TSPAN2: variants seen among roughly 807,000 people sequenced by gnomAD.
TSPAN2 encodes the protein tetraspanin 2, also known as tetraspanin-2.
In TSPAN2, 24 loss-of-function variants were observed where a neutral mutation model predicts 33.3. The observed-to-expected ratio is 0.72, with a 90% CI of 0.52 to 1.01. The LOEUF is 1.01. Among genes scored for constraint, TSPAN2 ranks in the 50% least tolerant of loss-of-function variants. The pLI, the probability that TSPAN2 is intolerant of heterozygous loss-of-function variation, is 0.00. For synonymous variants in TSPAN2, 114 were observed against 104.5 expected (o/e 1.09, Z -0.56); for missense variants, 278 against 281.3 (o/e 0.99, Z 0.08).
At chr1:115,073,781 A>G (rs1012770869) in intron 1 of TSPAN2, among the ~76,000 whole-genome samples, 12 of 152,042 alleles carry the variant, frequency 7.9e-5, no homozygotes, top group African/African-American at 2.9e-4. Context: ...GGCAGTGGCT[A>G]GGCAGGCTGG....
chr1:115,080,998 T>C (rs1313785610), intron 1 of TSPAN2, among the ~76,000 whole-genome samples: 3 of 152,224 alleles, frequency 2.0e-5, no homozygotes, highest in African/African-American at 7.2e-5. Context: ...TTCTTAATTA[T>C]TGATCAATAA....
chr1:115,074,111 A>G (rs1370730530), intron 1 of TSPAN2, among the ~76,000 whole-genome samples: 7 of 152,140 alleles, frequency 4.6e-5, no homozygotes, highest in Admixed American at 4.6e-4. Flanking sequence ...TAAATGAACA[A>G]TTTAGAGGCT....
At position 115,072,916 on chromosome 1, in the gene TSPAN2, T is replaced by C. The variant is rs778464373; in HGVS notation, c.161A>G (p.Tyr54Cys). Residue 54 changes from tyrosine to cysteine, a missense_variant, in exon 2 of 8, where the codon TAT becomes TGT. Tyr to Cys is a radical substitution (Grantham distance 194). Coordinates refer to ENST00000369516, the MANE Select transcript of TSPAN2 (RefSeq NM_005725.6). The part of the protein sequence containing the change: ...ELSSEDKSPE[Y>C]FYVGLYVLVG... ...CTGGAGTCACTCACCCACATAGAAA[T>C]ACTCTGGGGACTTGTCCTCTGATGA... The C allele has an allele frequency of 1.2e-5, 19 of 1,613,500 alleles. No individual in the cohort carries two copies. Among genetic ancestry groups the C allele is most frequent in the Middle Eastern group, 1.6e-4 (1 of 6,084 alleles).
At chr1:115,075,458 G>A (rs1648367077) in intron 1 of TSPAN2, among the ~76,000 whole-genome samples, 1 of 152,202 alleles carries the variant, frequency 6.6e-6, no homozygotes, top group Non-Finnish European at 1.5e-5. Context: ...CACTGCTCTG[G>A]AAAGTGGCAT....
chr1:115,060,497 G>T lies in TSPAN2; in HGVS notation c.312C>A (p.Thr104=). 6.2e-7 allele frequency: 1 copy of T among 1,613,542 alleles called. No homozygotes were observed. Among genetic ancestry groups the T allele is most frequent in the Non-Finnish European group, 8.5e-7 (1 of 1,179,682 alleles). The change falls in exon 4 of 8, where the codon ACC becomes ACA. Residue 104 remains threonine, a synonymous_variant. Transcript: ENST00000369516. ...TGCCTATAAAAGCAAATACTCCAGT[G>T]GTTACTTCAGCAGCAAATATCACCA... ...CLLVIFAAEV[T]TGVFAFIGKG... is the part of the protein sequence containing the mutation.
chr1:115,072,933 C>T lies in TSPAN2; in HGVS notation c.144G>A (p.Glu48=), dbSNP rs1274425437. The T allele has an allele frequency of 3.7e-6, 6 of 1,614,170 alleles. No individual in the cohort carries two copies. Among genetic ancestry groups the T allele is most frequent in the South Asian group, 2.2e-5 (2 of 91,086 alleles). The change falls in exon 2 of 8, where the codon GAG becomes GAA. Residue 48 remains glutamate (E), a synonymous_variant. Coordinates refer to ENST00000369516, the MANE Select transcript of TSPAN2 (RefSeq NM_005725.6). ...CATAGAAATACTCTGGGGACTTGTC[C>T]TCTGATGATAACTCCTTTATGGCAC... The part of the protein sequence containing the change: ...FGGAIKELSS[E]DKSPEYFYVG...
chr1:115,050,504 G>C lies in TSPAN2; in HGVS notation c.652C>G (p.Arg218Gly). Residue 218 changes from arginine to glycine, a missense_variant, in exon 8 of 8, where the codon CGA (arginine) becomes GGA (glycine). Physicochemically the swap from Arg to Gly is moderately radical, Grantham distance 125. Transcript: ENST00000369516. ...MVLCCAIRNSRDVI is the reference protein window; with the variant it reads ...MVLCCAIRNSGDVI ...TAGAAGTAGCTTCATATCACATCTC[G>C]TGAGTTTCGTATCGCACAGCAGAGG... 1 of 1,613,890 alleles carries C rather than the reference G, an allele frequency of 6.2e-7. No individual in the cohort carries two copies. Among genetic ancestry groups the C allele is most frequent in the South Asian group, 1.1e-5 (1 of 91,062 alleles).
chr1:115,072,203 G>T (rs1648206799), intron 2 of TSPAN2, among the ~76,000 whole-genome samples: 1 of 152,176 alleles, frequency 6.6e-6, no homozygotes, highest in Non-Finnish European at 1.5e-5. Flanking sequence ...TGCCTTGCGG[G>T]TGGAGGCTGC....
chr1:115,073,661 T>C (rs927146857), intron 1 of TSPAN2, among the ~76,000 whole-genome samples: 5 of 152,056 alleles, frequency 3.3e-5, no homozygotes, highest in African/African-American at 1.2e-4. Context: ...TTTTTTTTTT[T>C]TGGTTGCTAT....
At chr1:115,070,829 T>A (rs1441550865) in intron 2 of TSPAN2, among the ~76,000 whole-genome samples, 1 of 152,236 alleles carries the variant, frequency 6.6e-6, no homozygotes, top group East Asian at 1.9e-4. Context: ...TATTGTAATT[T>A]AAATTGTGAA....
chr1:115,053,338 T>C (rs953806164), intron 7 of TSPAN2, 41 bp downstream of exon 7: 1 of 1,579,852 alleles, frequency 6.3e-7, no homozygotes, highest in African/African-American at 1.3e-5. Context: ...GTTTCAAGGC[T>C]TTTTAGAGGG....
rs74113822 is a variant in TSPAN2, at chr1:115,085,762, T to G, written c.69+3602A>C. On this transcript the variant is annotated intron_variant, in intron 1 of 7. Coordinates refer to ENST00000369516, the MANE Select transcript of TSPAN2 (RefSeq NM_005725.6). ...GATATCTAGATACTTTATCCCACAC[T>G]TTCCCTTAAGTCATGAGGTGCCTGT... is the stretch of plus-strand genomic sequence containing the variant. Among the ~76,000 whole-genome samples the G allele has an allele frequency of 6.5e-3, 995 of 152,238 alleles. 14 individuals are homozygous for G. Among genetic ancestry groups the G allele is most frequent in the African/African-American group, 0.023 (945 of 41,522 alleles).
chr1:115,066,476 A>G (rs928253688), intron 2 of TSPAN2, among the ~76,000 whole-genome samples: 1 of 152,186 alleles, frequency 6.6e-6, no homozygotes, highest in Non-Finnish European at 1.5e-5. Flanking sequence ...AGGCAATTCC[A>G]TCACTCTTTT....
rs553282185 is a variant in TSPAN2 at position 115,072,515 on chromosome 1, T to C, written c.172+390A>G. Among the ~76,000 whole-genome samples, 3 of 152,348 alleles carry C rather than the reference T, an allele frequency of 2.0e-5. No individual in the cohort carries two copies. In the South Asian group the frequency reaches 6.2e-4, roughly 32 times the overall value. On this transcript the variant is annotated intron_variant, in intron 2 of 7. Transcript: ENST00000369516. ...CCATATAGACTAGTGAATGACACAC[T>C]TGTGGTGTACCCACTTTACTCCAGG... is the stretch of plus-strand genomic sequence containing the variant.
chr1:115,082,146 T>A (rs1344574067), intron 1 of TSPAN2, among the ~76,000 whole-genome samples: 1 of 152,260 alleles, frequency 6.6e-6, no homozygotes, highest in East Asian at 1.9e-4. Flanking sequence ...GCTATGGAGC[T>A]CTGAAATGTA....
intron 6 of TSPAN2, among the ~76,000 whole-genome samples, chr1:115,056,178 C>G (rs566715010): frequency 1.1e-4 from 17 of 152,222 alleles, no homozygotes; most frequent in Non-Finnish European, 2.2e-4. Flanking sequence ...GATTAAACAA[C>G]AGCATCTCTT....
At chr1:115,087,172 G>A (rs111805898) in intron 1 of TSPAN2, among the ~76,000 whole-genome samples, 1 of 151,588 alleles carries the variant, frequency 6.6e-6, no homozygotes, top group Non-Finnish European at 1.5e-5. Flanking sequence ...GCCTGCCTTG[G>A]CCTCCTAAAG....
At chr1:115,076,049 T>C (rs571255458) in intron 1 of TSPAN2, among the ~76,000 whole-genome samples, 1 of 152,238 alleles carries the variant, frequency 6.6e-6, no homozygotes, top group East Asian at 1.9e-4. Flanking sequence ...CTAAGTGCAC[T>C]ATAATGCAGG....
chr1:115,078,644 A>G (rs2101044854), intron 1 of TSPAN2, among the ~76,000 whole-genome samples: 1 of 152,282 alleles, frequency 6.6e-6, no homozygotes, highest in South Asian at 2.1e-4. Flanking sequence ...AGCCCTCACC[A>G]GGGAGCCCTC....
Sources: allele counts gnomAD v4.1 joint callset (sites outside exome capture counted in the v4.1 genomes callset), GRCh38; gene constraint gnomAD v4.1.1; transcripts MANE v1.5; gene names NCBI Gene and HGNC (gene_info 2026-07-23, HGNC 2026-07-21).